MYRFL: variants seen among roughly 807,000 people sequenced by gnomAD.
MYRFL encodes the protein myelin regulatory factor-like protein.
MYRFL carries 88 observed loss-of-function variants against 109.4 expected under a neutral mutation model. That is an observed-to-expected ratio of 0.80 (90% CI 0.68 to 0.96). MYRFL has a LOEUF of 0.96. Ranked by LOEUF, MYRFL falls within the 40% of genes least tolerant of loss-of-function variation. The probability of loss-of-function intolerance (pLI) is 0.00; values close to 1 mark genes in which losing one functional copy is unlikely to be tolerated. For synonymous variants in MYRFL, 324 were observed against 320.9 expected, an observed-to-expected ratio of 1.01 and a Z score of -0.10; for missense variants, 957 against 954.9, an observed-to-expected ratio of 1.00 and a Z score of -0.03.
rs73339409 is a variant in MYRFL, at chr12:69,881,433, G to C, written c.556+1141G>C. Among the ~76,000 whole-genome samples, 691 of 152,310 alleles carry C rather than the reference G, an allele frequency of 4.5e-3. 4 individuals carry two copies. Among genetic ancestry groups the C allele is most frequent in the African/African-American group, 0.016 (675 of 41,560 alleles). On this transcript the variant is annotated intron_variant, in intron 5 of 24. Transcript: ENST00000552032. ...CCCACCACTTCCCCAGATTCTAGAG[G>C]TTTACACTGTCCAGAAAGGAGATGT...
chr12:69,871,434 G>A (rs1429956773), intron 2 of MYRFL, among the ~76,000 whole-genome samples: 2 of 151,872 alleles, frequency 1.3e-5, no homozygotes, highest in East Asian at 1.9e-4. Flanking sequence ...GGATTTCACC[G>A]TGTTAGCCGG....
chr12:69,925,480 GTCTC>G (rs1955047260), intron 13 of MYRFL, among the ~76,000 whole-genome samples: 1 of 152,200 alleles, frequency 6.6e-6, no homozygotes, highest in Admixed American at 6.5e-5. Flanking sequence ...CCACAAAACA[GTCTC>G]TATTGCCCTT....
chr12:69,914,052 C>T (rs1043705896), intron 13 of MYRFL, among the ~76,000 whole-genome samples: 3 of 151,970 alleles, frequency 2.0e-5, no homozygotes, highest in Non-Finnish European at 2.9e-5. Flanking sequence ...TTATTCTTTT[C>T]GATGTGATTG....
chr12:69,869,198 G>A (rs1367155824), intron 2 of MYRFL, among the ~76,000 whole-genome samples: 1 of 152,236 alleles, frequency 6.6e-6, no homozygotes, highest in African/African-American at 2.4e-5. Flanking sequence ...GCAGTGTGGT[G>A]GGTACAGTCT....
chr12:69,908,176 C>T (rs1954433299), intron 11 of MYRFL, among the ~76,000 whole-genome samples: 1 of 152,192 alleles, frequency 6.6e-6, no homozygotes, highest in Non-Finnish European at 1.5e-5. Flanking sequence ...ATTAGCTGAG[C>T]ACCTACAACA....
Position 69,877,701 on chromosome 12 carries a change from T to C in MYRFL, c.138-1327T>C, listed in dbSNP as rs140606976. ...TTATTAATAGGAAGTGAATAAATTA[T>C]AAAGAACTAATTTGAGGAGAAAACA... is the stretch of plus-strand genomic sequence containing the variant. On this transcript the variant is annotated intron_variant, in intron 2 of 24. Transcript: ENST00000552032. Among the ~76,000 whole-genome samples the C allele has an allele frequency of 2.2e-3, 342 of 152,322 alleles. 1 individual carries two copies. The highest frequency in any genetic ancestry group is 5.8e-3 in the East Asian group (30 of 5,180).
chr12:69,926,970 G>A (rs1415607282), intron 14 of MYRFL, among the ~76,000 whole-genome samples: 5 of 36,428 alleles, frequency 1.4e-4, no homozygotes, highest in Admixed American at 8.8e-4. Context: ...TTGAGCCTGA[G>A]TTTTGCTGTT....
In MYRFL at chr12:69,861,566, G is replaced by A. The variant is rs537816417; in HGVS notation, c.137+6196G>A. On this transcript the variant is annotated intron_variant, in intron 2 of 24. Coordinates refer to ENST00000552032, the MANE Select transcript of MYRFL (RefSeq NM_182530.3). ...GTCTTCTTCTGAGAAGTGTCTGTTCGTGTCCTTTGCCCACTTTTTGATGGG... is the reference window on the plus strand; with the variant it reads ...GTCTTCTTCTGAGAAGTGTCTGTTCATGTCCTTTGCCCACTTTTTGATGGG... Among the ~76,000 whole-genome samples the A allele has an allele frequency of 1.1e-3, 168 of 152,132 alleles. 1 individual carries two copies. The highest frequency in any genetic ancestry group is 1.3e-3 in the Non-Finnish European group (91 of 67,976).
chr12:69,832,449 A>G (rs1457265825), intron 1 of MYRFL, among the ~76,000 whole-genome samples: 3 of 152,198 alleles, frequency 2.0e-5, no homozygotes, highest in Non-Finnish European at 4.4e-5. Context: ...GATAAATAAA[A>G]CAATGATTTC....
chr12:69,914,082 A>G (rs774072998), intron 13 of MYRFL, among the ~76,000 whole-genome samples: 2 of 151,996 alleles, frequency 1.3e-5, no homozygotes, highest in Non-Finnish European at 2.9e-5. Context: ...TTTTTTTCCT[A>G]GTTTTCTTTT....
chr12:69,883,185 C>G (rs1886237864), intron 5 of MYRFL, among the ~76,000 whole-genome samples: 1 of 152,182 alleles, frequency 6.6e-6, no homozygotes, highest in South Asian at 2.1e-4. Context: ...CACTTAACAG[C>G]TGTGACACTG....
chr12:69,834,707 A>T (rs1003837339), intron 1 of MYRFL, among the ~76,000 whole-genome samples: 3 of 152,164 alleles, frequency 2.0e-5, no homozygotes, highest in Admixed American at 2.0e-4. Flanking sequence ...TCAAAGAAAC[A>T]CTCCTGTCTC....
chr12:69,878,789 AT>A (rs1413749026), intron 2 of MYRFL, among the ~76,000 whole-genome samples: 3 of 152,076 alleles, frequency 2.0e-5, no homozygotes, highest in African/African-American at 7.3e-5. Flanking sequence ...TTACGTACTT[AT>A]TCATGGATAC....
At chr12:69,946,048 T>G (rs1955831016) in intron 19 of MYRFL, among the ~76,000 whole-genome samples, 1 of 137,934 alleles carries the variant, frequency 7.2e-6, no homozygotes. Context: ...ACAAGTGTAA[T>G]CATGTCCATA....
chr12:69,880,098 A>G (rs1885968819), intron 4 of MYRFL, 103 bp from the exon 5 acceptor site: 1 of 622,412 alleles, frequency 1.6e-6, no homozygotes, highest in Non-Finnish European at 2.9e-6. Flanking sequence ...ACTAATTGGA[A>G]TTAGACTTAG....
intron 15 of MYRFL, 123 bp downstream of exon 15, chr12:69,927,871 G>A: frequency 1.2e-6 from 1 of 829,808 alleles, no homozygotes; most frequent in Non-Finnish European, 1.8e-6. Context: ...GCATCCTTAT[G>A]TACTATATGT....
intron 22 of MYRFL, among the ~76,000 whole-genome samples, chr12:69,956,269 C>A (rs563328065): frequency 2.6e-5 from 4 of 152,122 alleles, no homozygotes; most frequent in African/African-American, 9.6e-5. Context: ...ACCCTCTCAG[C>A]CATCACTGTC....
intron 2 of MYRFL, among the ~76,000 whole-genome samples, chr12:69,877,785 A>G (rs1432784572): frequency 2.0e-5 from 3 of 152,234 alleles, no homozygotes; most frequent in African/African-American, 7.2e-5. Context: ...ACTTTTAAAC[A>G]TACTAAACTT....
intron 16 of MYRFL, among the ~76,000 whole-genome samples, chr12:69,934,604 G>A (rs1347883891): frequency 6.6e-6 from 1 of 152,156 alleles, no homozygotes; most frequent in African/African-American, 2.4e-5. Context: ...ATGATTGATT[G>A]AAGAGTGATG....
Sources: allele counts gnomAD v4.1 joint callset (sites outside exome capture counted in the v4.1 genomes callset), GRCh38; gene constraint gnomAD v4.1.1; transcripts MANE v1.5; gene names NCBI Gene and HGNC (gene_info 2026-07-23, HGNC 2026-07-21).